Variants in DGKI observed in about 807,000 individuals in gnomAD.
The protein encoded by DGKI is diacylglycerol kinase iota, also known as DAG kinase iota.
DGKI carries 55 observed loss-of-function variants against 147.5 expected under a neutral mutation model. The ratio of observed to expected loss-of-function variants is 0.37; its 90% confidence interval spans 0.30 to 0.47. The LOEUF (loss-of-function observed/expected upper bound fraction) is 0.47, where lower values mean the gene tolerates loss of function less well. DGKI is among the 20% of genes least tolerant of loss of function. DGKI has a pLI of 1.00. For missense variants in DGKI, 1,007 were observed against 1,323.8 expected, an observed-to-expected ratio of 0.76 and a Z score of 3.71; for synonymous variants, 469 against 477.1, an observed-to-expected ratio of 0.98 and a Z score of 0.22.
intron 2 of DGKI, among the ~76,000 whole-genome samples, chr7:137,678,917 T>A (rs142822058): frequency 6.6e-6 from 1 of 152,192 alleles, no homozygotes; most frequent in Non-Finnish European, 1.5e-5. Flanking sequence ...TTTTGAAACA[T>A]ATTCAACAAA....
intron 3 of DGKI, among the ~76,000 whole-genome samples, chr7:137,672,766 CTTTTTTTTTTTT>C (rs60078498): frequency 2.1e-3 from 135 of 65,692 alleles, no homozygotes; most frequent in African/African-American, 8.4e-3. Flanking sequence ...CTCTGTGTGT[CTTTTTTTTTTTT>C]TTTTTTTTTT....
At chr7:137,542,926 C>T (rs1330466154) in intron 20 of DGKI, among the ~76,000 whole-genome samples, 1 of 152,134 alleles carries the variant, frequency 6.6e-6, no homozygotes, top group Non-Finnish European at 1.5e-5. Context: ...TCCAATATCC[C>T]ACAGAGCATT....
At chr7:137,633,212 C>CAAAA (rs575170478) in intron 6 of DGKI, among the ~76,000 whole-genome samples, 1 of 65,690 alleles carries the variant, frequency 1.5e-5, no homozygotes, top group African/African-American at 4.5e-5. Context: ...AACTCGTTCT[C>CAAAA]AAAAAAAAAA....
intron 1 of DGKI, among the ~76,000 whole-genome samples, chr7:137,775,878 CAG>C (rs1796347924): frequency 6.6e-6 from 1 of 151,068 alleles, no homozygotes; most frequent in Non-Finnish European, 1.5e-5. Flanking sequence ...CTTTTTTTGG[CAG>C]AGTTTTTCGC....
chr7:137,569,274 C>T (rs1818699586), intron 19 of DGKI, among the ~76,000 whole-genome samples: 1 of 152,114 alleles, frequency 6.6e-6, no homozygotes, highest in Non-Finnish European at 1.5e-5. Context: ...TGCAGACAAT[C>T]CCTGAGAGCC....
intron 12 of DGKI, 100 bp from the exon 13 acceptor site, chr7:137,587,310 GTTTTAT>G: frequency 1.2e-6 from 1 of 838,102 alleles, no homozygotes; most frequent in South Asian, 2.6e-5. Flanking sequence ...AAACAGAATG[GTTTTAT>G]TTTTCTTTAA....
chr7:137,565,802 T>A (rs1316936978), intron 19 of DGKI, among the ~76,000 whole-genome samples: 1 of 152,146 alleles, frequency 6.6e-6, no homozygotes, highest in Non-Finnish European at 1.5e-5. Flanking sequence ...ATGGTCTGTG[T>A]AAACTCCAAA....
At chr7:137,669,703 A>G (rs181685582) in intron 3 of DGKI, among the ~76,000 whole-genome samples, 1 of 152,208 alleles carries the variant, frequency 6.6e-6, no homozygotes, top group African/African-American at 2.4e-5. Context: ...TTTTGGCTTA[A>G]TGAAAGTTTA....
At position 137,521,780 on chromosome 7, in the gene DGKI, A is replaced by G. The variant is rs981116118; in HGVS notation, c.2248+86T>C. ...AACCATGATTTTCAGGCACAAGGAT[A>G]AATGAATCTACCCATCAAACCAAGG... On this transcript the variant is annotated intron_variant, in intron 21 of 32. Coordinates refer to ENST00000614521, the MANE Select transcript of DGKI (RefSeq NM_001321708.2). 3.2e-6 allele frequency: 3 copies of G among 932,494 alleles called. No individual in the cohort carries two copies. The African/African-American group carries it at 5.0e-5, about 15-fold the overall frequency. 57.8% of individuals were successfully genotyped at this position (932,494 alleles called of 1,614,324 possible).
intron 21 of DGKI, among the ~76,000 whole-genome samples, chr7:137,497,342 G>A (rs944268141): frequency 6.6e-5 from 10 of 152,248 alleles, no homozygotes; most frequent in African/African-American, 2.4e-4. Flanking sequence ...CACTGCTAAT[G>A]GGAATGTAAA....
intron 1 of DGKI, among the ~76,000 whole-genome samples, chr7:137,842,741 A>G (rs957814778): frequency 2.0e-5 from 3 of 152,084 alleles, no homozygotes; most frequent in Non-Finnish European, 2.9e-5. Context: ...AAACTGATAT[A>G]TTTGCAATCA....
At chr7:137,803,873 C>A (rs1421135367) in intron 1 of DGKI, among the ~76,000 whole-genome samples, 1 of 152,186 alleles carries the variant, frequency 6.6e-6, no homozygotes, top group Non-Finnish European at 1.5e-5. Flanking sequence ...AGGTCCCATC[C>A]CTAACACCCG....
chr7:137,679,583 C>T (rs1823160389), intron 2 of DGKI, among the ~76,000 whole-genome samples: 1 of 152,062 alleles, frequency 6.6e-6, no homozygotes, highest in South Asian at 2.1e-4. Context: ...AAGACTAAGT[C>T]TCCATGGCTT....
At chr7:137,455,362 G>A (rs1310339206) in intron 27 of DGKI, among the ~76,000 whole-genome samples, 4 of 152,124 alleles carry the variant, frequency 2.6e-5, no homozygotes, top group African/African-American at 9.7e-5. Flanking sequence ...ATAAATCATA[G>A]TAATATTGAA....
intron 1 of DGKI, among the ~76,000 whole-genome samples, chr7:137,707,231 C>G (rs1272054052): frequency 6.6e-6 from 1 of 152,212 alleles, no homozygotes; most frequent in Non-Finnish European, 1.5e-5. Flanking sequence ...CTCTATTCAC[C>G]TATGCGGATT....
At chr7:137,669,339 A>C (rs1334375554) in intron 3 of DGKI, among the ~76,000 whole-genome samples, 2 of 152,220 alleles carry the variant, frequency 1.3e-5, no homozygotes, top group East Asian at 3.8e-4. Flanking sequence ...GGAGTAACCG[A>C]TAATGCAAAT....
chr7:137,550,316 C>T (rs1316308714), intron 20 of DGKI, among the ~76,000 whole-genome samples: 1 of 152,034 alleles, frequency 6.6e-6, no homozygotes, highest in East Asian at 1.9e-4. Flanking sequence ...GCTGGGATTA[C>T]AGGCGCATGC....
At chr7:137,428,921 C>A (rs187945875) in intron 28 of DGKI, among the ~76,000 whole-genome samples, 1 of 151,802 alleles carries the variant, frequency 6.6e-6, no homozygotes. Flanking sequence ...AGAAATGGAA[C>A]AACATTCCAT....
At chr7:137,809,167 C>A (rs1797481511) in intron 1 of DGKI, among the ~76,000 whole-genome samples, 1 of 152,062 alleles carries the variant, frequency 6.6e-6, no homozygotes. Context: ...GGCAAGAGAG[C>A]TTTATAAACA....
Sources: gnomAD v4.1 joint callset for allele counts (sites outside exome capture counted in the v4.1 genomes callset) on GRCh38, gnomAD v4.1.1 for gene constraint, MANE v1.5 for transcripts, NCBI Gene and HGNC (gene_info 2026-07-23, HGNC 2026-07-21) for gene names.